PLB1: variants seen among roughly 807,000 people sequenced by gnomAD.
PLB1 encodes phospholipase B1, also known as phospholipase B1, membrane-associated.
PLB1 carries 242 observed loss-of-function variants against 227.4 expected under a neutral mutation model. The observed-to-expected ratio is 1.06, with a 90% confidence interval of 0.96 to 1.18. The LOEUF (loss-of-function observed/expected upper bound fraction) is 1.18. PLB1 is among the 50% of genes most tolerant of loss of function. The pLI, the probability that PLB1 is intolerant of heterozygous loss-of-function variation, is 0.00. For synonymous variants in PLB1, 757 were observed against 682.2 expected, an observed-to-expected ratio of 1.11 and a Z score of -1.71; for missense variants, 1,858 against 1,816.3, an observed-to-expected ratio of 1.02 and a Z score of -0.42.
intron 4 of PLB1, among the ~76,000 whole-genome samples, chr2:28,521,848 C>T (rs376878513): frequency 9.9e-5 from 15 of 152,088 alleles, no homozygotes; most frequent in Non-Finnish European, 1.3e-4. Context: ...GTACCTCCCA[C>T]GCCTGAACCA....
At chr2:28,559,137 T>C (rs568235704) in intron 17 of PLB1, among the ~76,000 whole-genome samples, 1 of 152,252 alleles carries the variant, frequency 6.6e-6, no homozygotes, top group African/African-American at 2.4e-5. Context: ...TTCCAGGTTT[T>C]TCAGGTCCAA....
At chr2:28,499,371 T>C (rs111624462) in intron 1 of PLB1, among the ~76,000 whole-genome samples, 34 of 152,242 alleles carry the variant, frequency 2.2e-4, no homozygotes, top group Non-Finnish European at 2.8e-4. Flanking sequence ...TCTATTGCTT[T>C]GTAACAAAGC....
At chr2:28,573,717 G>C (rs780807868) in intron 21 of PLB1, among the ~76,000 whole-genome samples, 26 of 152,316 alleles carry the variant, frequency 1.7e-4, no homozygotes, top group South Asian at 8.3e-4. Flanking sequence ...CCTGGGAAGA[G>C]TACCAGCCCT....
At chr2:28,601,140 C>T (rs1683806588) in intron 36 of PLB1, 112 bp from the exon 37 acceptor site, 9 of 908,496 alleles carry the variant, frequency 9.9e-6, no homozygotes, top group Non-Finnish European at 1.1e-5. Flanking sequence ...GATGCTGATT[C>T]CATTATTTCA....
At chr2:28,589,845 G>A (rs1573226132) in intron 28 of PLB1, 75 bp downstream of exon 28, 11 of 1,471,344 alleles carry the variant, frequency 7.5e-6, no homozygotes, top group South Asian at 2.3e-5. Context: ...GGAGGACCTC[G>A]GAGGCCCATC....
chr2:28,548,729 G>T, intron 14 of PLB1, 131 bp from the exon 15 acceptor site: 3 of 832,202 alleles, frequency 3.6e-6, no homozygotes, highest in Non-Finnish European at 6.0e-6. Context: ...TTGGGGATGG[G>T]GGCTGGACAC....
chr2:28,606,529 G>A lies in PLB1; in HGVS notation c.3091G>A (p.Asp1031Asn). ...EPLGSKTETL[D>N]LRAEMPITCP... is the part of the protein sequence containing the mutation. Reference sequence around the variant, plus strand: ...ACTTGGAAGCAAAACAGAGACCCTGGACCTGAGAGCAGAGATGCCCATCAC... The same window carrying A: ...ACTTGGAAGCAAAACAGAGACCCTGAACCTGAGAGCAGAGATGCCCATCAC... Residue 1031 changes from aspartate to asparagine, a missense_variant, in exon 43 of 58, where the codon GAC becomes AAC. Physicochemically the swap from Asp to Asn is conservative, Grantham distance 23 (BLOSUM62 1). Transcript: ENST00000327757. 1 of 1,614,168 alleles carries A rather than the reference G, an allele frequency of 6.2e-7. No homozygotes were observed. Among genetic ancestry groups the A allele is most frequent in the Admixed American group, 1.7e-5 (1 of 60,024 alleles).
rs189256343 is a variant in PLB1 at position 28,616,629 on chromosome 2, T to G, written c.3196-1098T>G. On this transcript the variant is annotated intron_variant, in intron 44 of 57. Coordinates refer to ENST00000327757, the MANE Select transcript of PLB1 (RefSeq NM_153021.5). The stretch of plus-strand genomic sequence containing the variant: ...TCTCTGGTTCACCAACTATCTGAGA[T>G]ATATCTCATGTGCTGATGGCTGAAT... Among the ~76,000 whole-genome samples, 8 of 152,362 alleles carry G rather than the reference T, an allele frequency of 5.3e-5. No individual in the cohort carries two copies. In the East Asian group the frequency reaches 1.4e-3, roughly 26 times the overall value.
intron 43 of PLB1, 79 bp downstream of exon 43, chr2:28,606,646 C>T: frequency 2.3e-5 from 29 of 1,284,002 alleles, no homozygotes; most frequent in Non-Finnish European, 3.3e-5. Context: ...TCCTCCACCA[C>T]AGCTTCCTCA....
chr2:28,589,949 G>T, intron 28 of PLB1, 56 bp from the exon 29 acceptor site: 18 of 1,534,074 alleles, frequency 1.2e-5, no homozygotes, highest in Middle Eastern at 1.7e-4. Flanking sequence ...TGCGTCCTGA[G>T]CTTTCCATTC....
chr2:28,497,044 A>G (rs1298030277), intron 1 of PLB1, among the ~76,000 whole-genome samples: 2 of 152,194 alleles, frequency 1.3e-5, no homozygotes, highest in Admixed American at 6.5e-5. Context: ...GATGCTTGCT[A>G]TGCCTTCTGC....
At chr2:28,617,393 G>A (rs889941414) in intron 44 of PLB1, among the ~76,000 whole-genome samples, 8 of 152,200 alleles carry the variant, frequency 5.3e-5, no homozygotes, top group Non-Finnish European at 1.2e-4. Context: ...AGACCCACCT[G>A]TGTAGGACTT....
chr2:28,607,833 A>C (rs1447984192), intron 43 of PLB1, among the ~76,000 whole-genome samples: 1 of 152,156 alleles, frequency 6.6e-6, no homozygotes, highest in Non-Finnish European at 1.5e-5. Flanking sequence ...AGCCATACTG[A>C]ATATCAGCCA....
At chr2:28,604,078 C>T in intron 40 of PLB1, 31 bp downstream of exon 40, 1 of 1,570,104 alleles carries the variant, frequency 6.4e-7, no homozygotes, top group Non-Finnish European at 8.8e-7. Context: ...ATGCTGTGTC[C>T]TCTCCCCTAC....
rs537716781 is a variant in PLB1 at position 28,607,612 on chromosome 2, C to G, written c.3129+1045C>G. ...AGATTCTGCAACAGCTAGTGCAACACAGATGCCTCTAGTCCAGGTGGTCAG... is the reference window on the plus strand; with the variant it reads ...AGATTCTGCAACAGCTAGTGCAACAGAGATGCCTCTAGTCCAGGTGGTCAG... On this transcript the variant is annotated intron_variant, in intron 43 of 57. Coordinates refer to ENST00000327757, the MANE Select transcript of PLB1 (RefSeq NM_153021.5). Among the ~76,000 whole-genome samples, 4 of 152,288 alleles carry G rather than the reference C, an allele frequency of 2.6e-5. No homozygotes were observed. In the East Asian group the frequency reaches 7.7e-4, roughly 29 times the overall value.
chr2:28,613,402 T>C (rs1685760842), intron 43 of PLB1, among the ~76,000 whole-genome samples: 1 of 152,188 alleles, frequency 6.6e-6, no homozygotes, highest in Non-Finnish European at 1.5e-5. Context: ...ATTAGCTTTC[T>C]CCCCATTTCT....
At chr2:28,589,856 G>A (rs1473459099) in intron 28 of PLB1, 86 bp downstream of exon 28, 16 of 1,416,018 alleles carry the variant, frequency 1.1e-5, no homozygotes, top group Middle Eastern at 1.8e-4. Flanking sequence ...GAGGCCCATC[G>A]TGCAGGCCAT....
At chr2:28,531,823 T>C (rs550006293) in intron 8 of PLB1, among the ~76,000 whole-genome samples, 2 of 152,346 alleles carry the variant, frequency 1.3e-5, no homozygotes, top group East Asian at 3.9e-4. Context: ...ATCATTCACG[T>C]ATCCTTGTTT....
intron 56 of PLB1, among the ~76,000 whole-genome samples, chr2:28,634,148 A>G (rs1689024273): frequency 6.6e-6 from 1 of 152,142 alleles, no homozygotes; most frequent in African/African-American, 2.4e-5. Context: ...GTCGACTTCC[A>G]TTGTCAGGGG....
Sources: gnomAD v4.1 joint callset for allele counts (sites outside exome capture counted in the v4.1 genomes callset) on GRCh38, gnomAD v4.1.1 for gene constraint, MANE v1.5 for transcripts, NCBI Gene and HGNC (gene_info 2026-07-23, HGNC 2026-07-21) for gene names.